The following SH3RF3 variants were observed in gnomAD, a reference collection of about 807,000 sequenced individuals.
SH3RF3 encodes the protein E3 ubiquitin-protein ligase SH3RF3.
In SH3RF3, 29 loss-of-function variants were observed where a neutral mutation model predicts 66.3. That is an observed-to-expected ratio of 0.44 (90% CI 0.33 to 0.60). The LOEUF (loss-of-function observed/expected upper bound fraction) is 0.60, where lower values mean the gene tolerates loss of function less well. SH3RF3 is among the 20% of genes least tolerant of loss of function. The pLI, the probability that SH3RF3 is intolerant of heterozygous loss-of-function variation, is 0.04. For missense variants in SH3RF3, 1,194 were observed against 1,190.9 expected, an observed-to-expected ratio of 1.00 and a Z score of -0.04; for synonymous variants, 583 against 532.0, an observed-to-expected ratio of 1.10 and a Z score of -1.32.
chr2:109,489,583 C>G (rs963521868), intron 8 of SH3RF3, among the ~76,000 whole-genome samples: 3 of 152,256 alleles, frequency 2.0e-5, no homozygotes, highest in Admixed American at 6.5e-5. Context: ...GGTCCCGTGA[C>G]AGAGAGGGCT....
chr2:109,351,076 G>C (rs1682827320), intron 2 of SH3RF3, among the ~76,000 whole-genome samples: 1 of 152,238 alleles, frequency 6.6e-6, no homozygotes, highest in Admixed American at 6.5e-5. Flanking sequence ...TGAATAATCA[G>C]TTTTTGTAAA....
chr2:109,179,911 C>CT (rs1678034942), intron 1 of SH3RF3, among the ~76,000 whole-genome samples: 2 of 152,180 alleles, frequency 1.3e-5, no homozygotes, highest in Admixed American at 1.3e-4. Flanking sequence ...AAAAAAGTCA[C>CT]TGACGAAAGA....
intron 9 of SH3RF3, among the ~76,000 whole-genome samples, chr2:109,496,457 G>A (rs769896247): frequency 1.3e-5 from 2 of 152,216 alleles, no homozygotes; most frequent in African/African-American, 4.8e-5. Flanking sequence ...GACCCAGGAA[G>A]TCCAGCTGGC....
At chr2:109,271,155 T>C (rs1680614981) in intron 1 of SH3RF3, among the ~76,000 whole-genome samples, 1 of 152,154 alleles carries the variant, frequency 6.6e-6, no homozygotes, top group Non-Finnish European at 1.5e-5. Context: ...AGTGAGGGTG[T>C]GTGCTTGGCT....
chr2:109,286,712 AC>A (rs552442329), intron 1 of SH3RF3, among the ~76,000 whole-genome samples: 213 of 152,308 alleles, frequency 1.4e-3, no homozygotes, highest in African/African-American at 5.0e-3. Context: ...GCTTTGAGCT[AC>A]CAGGATTCCC....
chr2:109,131,754 G>A (rs1248002170), intron 1 of SH3RF3, among the ~76,000 whole-genome samples: 1 of 152,194 alleles, frequency 6.6e-6, no homozygotes, highest in Non-Finnish European at 1.5e-5. Flanking sequence ...GCAGGAAATT[G>A]ATGTTTTACT....
chr2:109,441,828 GA>G (rs1415068108), intron 7 of SH3RF3, among the ~76,000 whole-genome samples: 1 of 151,794 alleles, frequency 6.6e-6, no homozygotes. Context: ...ACATGAAATA[GA>G]AAAAAAGATA....
chr2:109,492,241 A>G (rs781560215), intron 9 of SH3RF3, among the ~76,000 whole-genome samples: 8 of 152,128 alleles, frequency 5.3e-5, no homozygotes, highest in Non-Finnish European at 1.2e-4. Flanking sequence ...AACCATTTCA[A>G]AATGTGACAA....
chr2:109,318,278 C>G (rs1284232053), intron 1 of SH3RF3, among the ~76,000 whole-genome samples: 6 of 152,044 alleles, frequency 3.9e-5, no homozygotes. Flanking sequence ...TGTTCGGGAG[C>G]ATTTCCATGC....
chr2:109,486,894 G>A (rs1377755908), intron 8 of SH3RF3, among the ~76,000 whole-genome samples: 1 of 152,208 alleles, frequency 6.6e-6, no homozygotes, highest in Non-Finnish European at 1.5e-5. Flanking sequence ...ATGTTTCAGA[G>A]CAAACGAGAC....
chr2:109,133,481 G>A (rs1024831243), intron 1 of SH3RF3, among the ~76,000 whole-genome samples: 1 of 152,182 alleles, frequency 6.6e-6, no homozygotes, highest in Non-Finnish European at 1.5e-5. Context: ...CAGAGCTGAG[G>A]ACCTTTCTTT....
chr2:109,410,741 C>T (rs540338980), intron 4 of SH3RF3, among the ~76,000 whole-genome samples: 83 of 152,362 alleles, frequency 5.4e-4, no homozygotes, highest in Non-Finnish European at 1.0e-3. Flanking sequence ...TTTAAAAAGA[C>T]CGTGGTGCAA....
At chr2:109,409,449 A>G (rs1249007140) in intron 4 of SH3RF3, among the ~76,000 whole-genome samples, 1 of 152,216 alleles carries the variant, frequency 6.6e-6, no homozygotes, top group Non-Finnish European at 1.5e-5. Context: ...TTTATTCACA[A>G]AAGCAGAACA....
Position 109,129,851 on chromosome 2 carries a change from G to A in SH3RF3, c.311G>A (p.Gly104Asp). Reference protein sequence around the residue: ...CPECRILVGCGVDELPANILL... With the variant: ...CPECRILVGCDVDELPANILL... ...GAGTGCCGCATCCTGGTGGGCTGCG[G>A]CGTGGACGAACTGCCCGCCAACATC... is the stretch of plus-strand genomic sequence containing the variant. Residue 104 changes from glycine to aspartate, a missense_variant, in exon 1 of 10, where the codon GGC (glycine) becomes GAC (aspartate). Transcript: ENST00000309415. 1.3e-6 allele frequency: 2 copies of A among 1,529,060 alleles called. No individual in the cohort carries two copies. The highest frequency in any genetic ancestry group is 1.8e-6 in the Non-Finnish European group (2 of 1,142,542). 94.7% of individuals were successfully genotyped at this position (1,529,060 alleles called of 1,614,324 possible).
At chr2:109,408,529 C>T (rs1045754577) in intron 4 of SH3RF3, among the ~76,000 whole-genome samples, 2 of 152,348 alleles carry the variant, frequency 1.3e-5, no homozygotes, top group African/African-American at 4.8e-5. Flanking sequence ...CGCTCACGCC[C>T]AGGCCGGGTT....
At chr2:109,475,370 C>G (rs1262754121) in intron 8 of SH3RF3, among the ~76,000 whole-genome samples, 1 of 152,210 alleles carries the variant, frequency 6.6e-6, no homozygotes, top group African/African-American at 2.4e-5. Context: ...CAAAGCAAAC[C>G]CACGCAAAGT....
At chr2:109,450,345 C>CAA (rs1181345676) in intron 8 of SH3RF3, among the ~76,000 whole-genome samples, 1 of 109,060 alleles carries the variant, frequency 9.2e-6, no homozygotes, top group African/African-American at 3.0e-5. Context: ...GACTGCATCT[C>CAA]AAAAAAAAAA....
intron 1 of SH3RF3, among the ~76,000 whole-genome samples, chr2:109,297,841 G>A (rs1450475846): frequency 6.6e-6 from 1 of 151,798 alleles, no homozygotes; most frequent in Non-Finnish European, 1.5e-5. Context: ...CAGTGCCCCC[G>A]ACCTGGGCCA....
chr2:109,345,471 A>G (rs1249019588), intron 1 of SH3RF3, among the ~76,000 whole-genome samples: 1 of 152,160 alleles, frequency 6.6e-6, no homozygotes, highest in Admixed American at 6.5e-5. Context: ...CCGAGTCTGT[A>G]GCTCTTATAA....
Sources: allele counts gnomAD v4.1 joint callset (sites outside exome capture counted in the v4.1 genomes callset), GRCh38; gene constraint gnomAD v4.1.1; transcripts MANE v1.5; gene names NCBI Gene and HGNC (gene_info 2026-07-23, HGNC 2026-07-21).